VTI1A: variants seen among roughly 807,000 people sequenced by gnomAD.
The protein encoded by VTI1A is vesicle transport through interaction with t-SNAREs homolog 1A.
In VTI1A, 22 loss-of-function variants were observed where a neutral mutation model predicts 34.9. The ratio of observed to expected loss-of-function variants is 0.63; its 90% CI spans 0.45 to 0.90. The LOEUF is 0.90. Among genes scored for constraint, VTI1A ranks in the 40% least tolerant of loss-of-function variants. VTI1A has a pLI of 0.00. For synonymous variants in VTI1A, 87 were observed against 97.3 expected (o/e 0.89, Z 0.62); for missense variants, 268 against 275.6 (o/e 0.97, Z 0.20).
intron 7 of VTI1A, among the ~76,000 whole-genome samples, chr10:112,694,185 G>A (rs562770581): frequency 6.7e-4 from 102 of 152,192 alleles, no homozygotes; most frequent in African/African-American, 2.1e-3. Context: ...CAGCCTGGGC[G>A]ACAGAGTGAT....
At chr10:112,531,395 G>A (rs1019516392) in intron 4 of VTI1A, among the ~76,000 whole-genome samples, 8 of 150,778 alleles carry the variant, frequency 5.3e-5, no homozygotes, top group East Asian at 2.0e-4. Context: ...ACGAAATCAC[G>A]ACTTACAGTC....
intron 5 of VTI1A, among the ~76,000 whole-genome samples, chr10:112,659,727 G>A (rs111919443): frequency 5.9e-5 from 9 of 151,998 alleles, no homozygotes; most frequent in Non-Finnish European, 1.0e-4. Flanking sequence ...ACACACACAC[G>A]CGCACGCGCG....
intron 7 of VTI1A, chr10:112,737,695 A>T: frequency 9.5e-7 from 1 of 1,057,086 alleles, no homozygotes; most frequent in Non-Finnish European, 1.1e-6. Flanking sequence ...ATGACTGTCA[A>T]GGTCACTGAG....
At chr10:112,521,412 A>C (rs917235783) in intron 3 of VTI1A, among the ~76,000 whole-genome samples, 4 of 152,066 alleles carry the variant, frequency 2.6e-5, no homozygotes, top group African/African-American at 9.7e-5. Context: ...ACTTTCAGCC[A>C]TGTATGCCTA....
intron 3 of VTI1A, among the ~76,000 whole-genome samples, chr10:112,511,846 G>A (rs1849620166): frequency 1.3e-5 from 2 of 152,098 alleles, no homozygotes; most frequent in South Asian, 4.1e-4. Flanking sequence ...GGCTTACTTT[G>A]CTTTAGAGAA....
intron 5 of VTI1A, among the ~76,000 whole-genome samples, chr10:112,593,911 T>A (rs867942100): frequency 2.7e-5 from 4 of 149,306 alleles, no homozygotes; most frequent in African/African-American, 9.9e-5. Flanking sequence ...TAATTTTTTT[T>A]TTATTATTAT....
At chr10:112,626,588 A>G (rs1845932438) in intron 5 of VTI1A, among the ~76,000 whole-genome samples, 1 of 152,136 alleles carries the variant, frequency 6.6e-6, no homozygotes, top group Non-Finnish European at 1.5e-5. Flanking sequence ...GCAAAAAAAA[A>G]AGAAAGAAAG....
chr10:112,850,449 G>A, the VTI1A span, among the ~76,000 whole-genome samples: 83 of 151,842 alleles, frequency 5.5e-4, no homozygotes, highest in African/African-American at 2.0e-3. Context: ...AGAGGGTGAG[G>A]GGGAGCAAAG....
intron 7 of VTI1A, among the ~76,000 whole-genome samples, chr10:112,812,194 A>G (rs1311502942): frequency 6.6e-6 from 1 of 152,206 alleles, no homozygotes; most frequent in East Asian, 1.9e-4. Context: ...GGCTGTTTCA[A>G]TGGATGTCTT....
At chr10:112,707,541 T>G (rs1394858950) in intron 7 of VTI1A, among the ~76,000 whole-genome samples, 1 of 152,014 alleles carries the variant, frequency 6.6e-6, no homozygotes, top group Non-Finnish European at 1.5e-5. Context: ...ACCATGTTTG[T>G]CAGGCTGGTC....
chr10:112,475,077 T>C (rs997870433), intron 3 of VTI1A, among the ~76,000 whole-genome samples: 1 of 152,224 alleles, frequency 6.6e-6, no homozygotes. Flanking sequence ...TCTCATCATG[T>C]ACACTTGATT....
At chr10:112,635,248 C>T (rs1846307634) in intron 5 of VTI1A, among the ~76,000 whole-genome samples, 1 of 152,142 alleles carries the variant, frequency 6.6e-6, no homozygotes, top group Non-Finnish European at 1.5e-5. Flanking sequence ...GATGAGACAG[C>T]GTGCTGAGGA....
intron 4 of VTI1A, among the ~76,000 whole-genome samples, chr10:112,535,616 T>C (rs1589873122): frequency 6.6e-6 from 1 of 152,294 alleles, no homozygotes; most frequent in Non-Finnish European, 1.5e-5. Flanking sequence ...GTTTGAATCC[T>C]ACATCTCCAG....
intron 5 of VTI1A, among the ~76,000 whole-genome samples, chr10:112,588,212 A>T (rs1033960390): frequency 6.6e-6 from 1 of 152,194 alleles, no homozygotes; most frequent in Non-Finnish European, 1.5e-5. Context: ...TATAAATGAA[A>T]ATCTAAGTGG....
intron 5 of VTI1A, among the ~76,000 whole-genome samples, chr10:112,619,943 G>A (rs1306762269): frequency 6.6e-6 from 1 of 152,242 alleles, no homozygotes; most frequent in Non-Finnish European, 1.5e-5. Flanking sequence ...CATGTGGTTC[G>A]GGAAGGTCTC....
chr10:112,591,460 C>T (rs964358681), intron 5 of VTI1A, among the ~76,000 whole-genome samples: 4 of 152,064 alleles, frequency 2.6e-5, no homozygotes, highest in Non-Finnish European at 1.5e-5. Flanking sequence ...GCGGAGCTTG[C>T]AGTGAGCAGA....
At chr10:112,748,158 T>A (rs192668944) in intron 7 of VTI1A, among the ~76,000 whole-genome samples, 1 of 152,196 alleles carries the variant, frequency 6.6e-6, no homozygotes, top group East Asian at 1.9e-4. Flanking sequence ...CACCATAGGC[T>A]GCTGACATGC....
chr10:112,815,258 G>A, intron 7 of VTI1A, 32 bp from the exon 8 acceptor site: 2 of 1,585,634 alleles, frequency 1.3e-6, no homozygotes, highest in Non-Finnish European at 8.6e-7. Flanking sequence ...CCACTTATCT[G>A]TGTGTGTTTT....
intron 7 of VTI1A, among the ~76,000 whole-genome samples, chr10:112,814,800 A>G (rs1186536575): frequency 1.3e-5 from 2 of 152,148 alleles, no homozygotes; most frequent in Admixed American, 6.5e-5. Flanking sequence ...TCTTAATCCC[A>G]TCCTTTTCTT....
Sources: gnomAD v4.1 joint callset for allele counts (sites outside exome capture counted in the v4.1 genomes callset) on GRCh38, gnomAD v4.1.1 for gene constraint, MANE v1.5 for transcripts, NCBI Gene and HGNC (gene_info 2026-07-23, HGNC 2026-07-21) for gene names.